ZFAND3: variants seen among roughly 807,000 people sequenced by gnomAD.
ZFAND3 encodes AN1-type zinc finger protein 3.
In ZFAND3, 10 loss-of-function variants were observed where a neutral mutation model predicts 29.6. That is an observed-to-expected ratio of 0.34 (90% confidence interval 0.21 to 0.57). The LOEUF (loss-of-function observed/expected upper bound fraction) is 0.57. Among genes scored for constraint, ZFAND3 ranks in the 20% least tolerant of loss-of-function variants. ZFAND3 has a pLI of 0.86. For missense variants in ZFAND3, 230 were observed against 304.5 expected, an observed-to-expected ratio of 0.76 and a Z score of 1.82; for synonymous variants, 128 against 112.6, an observed-to-expected ratio of 1.14 and a Z score of -0.87.
At chr6:37,838,252 G>A (rs1764005234) in intron 1 of ZFAND3, among the ~76,000 whole-genome samples, 2 of 152,166 alleles carry the variant, frequency 1.3e-5, no homozygotes, top group South Asian at 4.1e-4. Flanking sequence ...GCAGGTGGAA[G>A]GTAAAGTTGT....
chr6:38,053,970 A>G (rs1430034395), intron 2 of ZFAND3, among the ~76,000 whole-genome samples: 1 of 152,048 alleles, frequency 6.6e-6, no homozygotes, highest in Non-Finnish European at 1.5e-5. Context: ...TATTACTCAA[A>G]TTGCAGATTC....
At chr6:37,834,954 A>G (rs1763940410) in intron 1 of ZFAND3, among the ~76,000 whole-genome samples, 1 of 151,484 alleles carries the variant, frequency 6.6e-6, no homozygotes, top group African/African-American at 2.4e-5. Context: ...ACATTTTGTC[A>G]ATAGTTGCTG....
rs570398909 is a variant in ZFAND3, at chr6:38,093,975, A to G, written c.361+11518A>G. 1.8e-4 allele frequency among the ~76,000 whole-genome samples: 28 copies of G among 152,292 alleles called. No homozygotes were observed. In the South Asian group the frequency reaches 5.6e-3, roughly 30 times the overall value. On this transcript the variant is annotated intron_variant, in intron 4 of 5. Coordinates refer to ENST00000287218, the MANE Select transcript of ZFAND3 (RefSeq NM_021943.3). The stretch of plus-strand genomic sequence containing the variant: ...ATTAGAGGAGAAATGGAAGAGGCAT[A>G]CAAGCAAGACTCAGCAGAGGCAGAA...
chr6:37,915,953 G>C (rs1761241660), intron 1 of ZFAND3, among the ~76,000 whole-genome samples: 1 of 151,928 alleles, frequency 6.6e-6, no homozygotes, highest in South Asian at 2.1e-4. Context: ...ATTTTTAGTA[G>C]AGACAGGGTT....
intron 1 of ZFAND3, among the ~76,000 whole-genome samples, chr6:37,887,754 G>A (rs1765022239): frequency 6.6e-6 from 1 of 152,212 alleles, no homozygotes; most frequent in Admixed American, 6.5e-5. Context: ...AAGCTGTGAA[G>A]ATGTTTGTTA....
chr6:38,068,296 A>C (rs984155684), intron 3 of ZFAND3, among the ~76,000 whole-genome samples: 1 of 152,230 alleles, frequency 6.6e-6, no homozygotes, highest in Non-Finnish European at 1.5e-5. Flanking sequence ...TATTTTGTGA[A>C]ATGTGGGAAA....
At chr6:37,864,190 G>A (rs970887510) in intron 1 of ZFAND3, among the ~76,000 whole-genome samples, 3 of 152,044 alleles carry the variant, frequency 2.0e-5, no homozygotes. Flanking sequence ...CTGTATTACC[G>A]AGGACCAGGA....
intron 5 of ZFAND3, among the ~76,000 whole-genome samples, chr6:38,138,095 T>C (rs1014095247): frequency 6.6e-6 from 1 of 152,058 alleles, no homozygotes; most frequent in Admixed American, 6.5e-5. Flanking sequence ...GAGTATCAGT[T>C]GAGCTCAGGA....
chr6:37,949,018 A>C (rs1761949458), intron 2 of ZFAND3, among the ~76,000 whole-genome samples: 1 of 152,156 alleles, frequency 6.6e-6, no homozygotes, highest in African/African-American at 2.4e-5. Flanking sequence ...GTCAAATTGT[A>C]GTTCTTTGAG....
chr6:38,112,089 C>T (rs950968975), intron 4 of ZFAND3, among the ~76,000 whole-genome samples: 1 of 152,118 alleles, frequency 6.6e-6, no homozygotes, highest in African/African-American at 2.4e-5. Flanking sequence ...GATTTTCCTT[C>T]CTTATTTAAT....
In ZFAND3 at chr6:37,925,009, G is replaced by A. The variant is rs564077400; in HGVS notation, c.72-4950G>A. On this transcript the variant is annotated intron_variant, in intron 1 of 5. Coordinates refer to ENST00000287218, the MANE Select transcript of ZFAND3 (RefSeq NM_021943.3). ...AGCATGGTTGAAATGTGGTGAATGA[G>A]GGGGCAGAATGATAAGAGAGCAAGA... Among the ~76,000 whole-genome samples, 3 of 152,072 alleles carry A rather than the reference G, an allele frequency of 2.0e-5. No homozygotes were observed. The East Asian group carries it at 5.8e-4, about 30-fold the overall frequency.
chr6:38,027,449 C>G (rs1207897118), intron 2 of ZFAND3, among the ~76,000 whole-genome samples: 1 of 152,116 alleles, frequency 6.6e-6, no homozygotes, highest in Non-Finnish European at 1.5e-5. Context: ...ATATTTTAGT[C>G]TACAACTTGC....
chr6:37,831,468 TG>T (rs1180966482), intron 1 of ZFAND3, among the ~76,000 whole-genome samples: 14 of 152,166 alleles, frequency 9.2e-5, no homozygotes, highest in African/African-American at 3.4e-4. Flanking sequence ...AGAGATACCT[TG>T]GTCTGGCTTC....
chr6:37,889,533 G>T (rs996420607), intron 1 of ZFAND3, among the ~76,000 whole-genome samples: 1 of 152,210 alleles, frequency 6.6e-6, no homozygotes, highest in Non-Finnish European at 1.5e-5. Context: ...TGACAAGAGA[G>T]GTCAGAGTGT....
At chr6:37,842,010 G>A (rs1363984728) in intron 1 of ZFAND3, among the ~76,000 whole-genome samples, 2 of 152,104 alleles carry the variant, frequency 1.3e-5, no homozygotes, top group Non-Finnish European at 2.9e-5. Context: ...TTCCTTATAG[G>A]CGGCACCTTG....
chr6:37,871,867 G>A (rs1764700993), intron 1 of ZFAND3, among the ~76,000 whole-genome samples: 1 of 152,126 alleles, frequency 6.6e-6, no homozygotes, highest in Admixed American at 6.5e-5. Context: ...TTTTGTTTTA[G>A]CAGGCATTTC....
intron 2 of ZFAND3, among the ~76,000 whole-genome samples, chr6:38,041,076 A>G (rs1001514317): frequency 1.3e-5 from 2 of 152,100 alleles, no homozygotes; most frequent in African/African-American, 4.8e-5. Flanking sequence ...TTGACCTTTG[A>G]TATTAGTAAG....
At chr6:37,830,261 G>C (rs1763836181) in intron 1 of ZFAND3, among the ~76,000 whole-genome samples, 1 of 152,166 alleles carries the variant, frequency 6.6e-6, no homozygotes, top group Non-Finnish European at 1.5e-5. Flanking sequence ...GGGCAAGGGG[G>C]ATGAGGATGG....
intron 2 of ZFAND3, among the ~76,000 whole-genome samples, chr6:38,004,576 G>C (rs949934159): frequency 1.0e-4 from 15 of 149,326 alleles, no homozygotes; most frequent in Non-Finnish European, 2.1e-4. Context: ...TGAATAAGTA[G>C]GTCTTCAGAT....
Sources: allele counts gnomAD v4.1 joint callset (sites outside exome capture counted in the v4.1 genomes callset), GRCh38; gene constraint gnomAD v4.1.1; transcripts MANE v1.5; gene names NCBI Gene and HGNC (gene_info 2026-07-23, HGNC 2026-07-21).